SLIT3: variants seen among roughly 807,000 people sequenced by gnomAD.
SLIT3 encodes slit guidance ligand 3, also known as slit homolog 3 protein.
Under a neutral mutation model 184.0 loss-of-function variants are expected in SLIT3, and 68 were observed. The ratio of observed to expected loss-of-function variants is 0.37; its 90% CI spans 0.30 to 0.45. The LOEUF is 0.45. Among genes scored for constraint, SLIT3 ranks in the 20% least tolerant of loss-of-function variants. SLIT3 has a pLI of 1.00. For synonymous variants in SLIT3, 831 were observed against 828.6 expected, an observed-to-expected ratio of 1.00 and a Z score of -0.05; for missense variants, 1,707 against 2,026.0, an observed-to-expected ratio of 0.84 and a Z score of 3.02.
At chr5:168,938,155 T>C (rs1762219549) in intron 4 of SLIT3, among the ~76,000 whole-genome samples, 1 of 152,264 alleles carries the variant, frequency 6.6e-6, no homozygotes, top group Non-Finnish European at 1.5e-5. Flanking sequence ...GAACTTCTTC[T>C]GATACATACA....
intron 4 of SLIT3, among the ~76,000 whole-genome samples, chr5:168,971,283 C>T (rs879542675): frequency 2.0e-4 from 31 of 152,312 alleles, no homozygotes; most frequent in Admixed American, 8.5e-4. Context: ...ACTGTGGACA[C>T]GTGGTTTTCA....
chr5:168,918,366 T>C (rs1440621902), intron 4 of SLIT3, among the ~76,000 whole-genome samples: 1 of 152,202 alleles, frequency 6.6e-6, no homozygotes, highest in Non-Finnish European at 1.5e-5. Flanking sequence ...CTGCCTGATG[T>C]TCTGACTTGC....
intron 34 of SLIT3, among the ~76,000 whole-genome samples, chr5:168,670,879 C>G (rs1216554028): frequency 6.6e-6 from 1 of 152,172 alleles, no homozygotes; most frequent in Non-Finnish European, 1.5e-5. Flanking sequence ...CAGGCTGAGT[C>G]TGCCCATGTG....
At chr5:168,974,191 G>A (rs941612426) in intron 4 of SLIT3, among the ~76,000 whole-genome samples, 4 of 152,140 alleles carry the variant, frequency 2.6e-5, no homozygotes, top group Non-Finnish European at 5.9e-5. Flanking sequence ...ACTTTGCAGC[G>A]TTGTTGGACC....
intron 4 of SLIT3, among the ~76,000 whole-genome samples, chr5:169,084,454 A>ATTT (rs56062027): frequency 1.2e-4 from 12 of 101,406 alleles, no homozygotes; most frequent in East Asian, 5.3e-4. Flanking sequence ...CCATGCCCAG[A>ATTT]TTTTTTTTTT....
At chr5:168,907,284 G>C (rs1231778473) in intron 4 of SLIT3, among the ~76,000 whole-genome samples, 1 of 152,168 alleles carries the variant, frequency 6.6e-6, no homozygotes, top group Non-Finnish European at 1.5e-5. Context: ...CAGCTTGGAG[G>C]GGTAGTCTCA....
chr5:168,678,686 A>AAAAC (rs914331874), intron 32 of SLIT3, among the ~76,000 whole-genome samples: 2 of 152,138 alleles, frequency 1.3e-5, no homozygotes, highest in Non-Finnish European at 2.9e-5. Context: ...CTGTCTCAAA[A>AAAAC]AAACAAACAA....
chr5:168,936,322 C>T (rs1033925183), intron 4 of SLIT3, among the ~76,000 whole-genome samples: 5 of 152,150 alleles, frequency 3.3e-5, no homozygotes, highest in African/African-American at 1.2e-4. Context: ...GCAACCTTTG[C>T]CTCCTGGGTT....
At chr5:169,170,454 C>T (rs1581013236) in intron 4 of SLIT3, among the ~76,000 whole-genome samples, 1 of 152,272 alleles carries the variant, frequency 6.6e-6, no homozygotes, top group Non-Finnish European at 1.5e-5. Flanking sequence ...TGGTCCTGGG[C>T]TTGCAGGCTT....
At chr5:169,167,885 C>T (rs898930940) in intron 4 of SLIT3, among the ~76,000 whole-genome samples, 1 of 152,214 alleles carries the variant, frequency 6.6e-6, no homozygotes, top group African/African-American at 2.4e-5. Context: ...GGCCATATGC[C>T]AGCAATCAAG....
chr5:169,074,667 AT>A (rs1275632855), intron 4 of SLIT3, among the ~76,000 whole-genome samples: 1 of 152,204 alleles, frequency 6.6e-6, no homozygotes, highest in East Asian at 1.9e-4. Context: ...GGATTTCAAA[AT>A]TAAAGTCAGC....
chr5:168,783,673 A>G (rs765382652), intron 12 of SLIT3, among the ~76,000 whole-genome samples: 10 of 152,218 alleles, frequency 6.6e-5, no homozygotes, highest in African/African-American at 2.2e-4. Context: ...GAGCCTTCTT[A>G]TCAGTGTCTC....
chr5:168,810,606 G>T (rs77795912), intron 8 of SLIT3, among the ~76,000 whole-genome samples: 11 of 150,156 alleles, frequency 7.3e-5, no homozygotes, highest in South Asian at 4.1e-4. Context: ...TCTCCCCTCT[G>T]GGGGGGACTT....
At chr5:169,155,532 G>A (rs1282137018) in intron 4 of SLIT3, among the ~76,000 whole-genome samples, 1 of 152,160 alleles carries the variant, frequency 6.6e-6, no homozygotes, top group Admixed American at 6.5e-5. Context: ...CAATTCTAAC[G>A]TAGATACAAG....
Position 168,971,599 on chromosome 5 carries a change from A to C in SLIT3, c.414-88263T>G, listed in dbSNP as rs939840856. ...TTAGCATACATATTTCCTGAGTCCC[A>C]GGATATCTGTCTTCAATCATTGAGA... is the stretch of plus-strand genomic sequence containing the variant. On this transcript the variant is annotated intron_variant, in intron 4 of 35. Coordinates refer to ENST00000519560, the MANE Select transcript of SLIT3 (RefSeq NM_003062.4). 2.0e-5 allele frequency among the ~76,000 whole-genome samples: 3 copies of C among 152,234 alleles called. No individual in the cohort carries two copies. In the South Asian group the frequency reaches 6.2e-4, roughly 31 times the overall value.
intron 11 of SLIT3, among the ~76,000 whole-genome samples, chr5:168,787,694 G>A (rs547799878): frequency 6.6e-6 from 1 of 152,214 alleles, no homozygotes; most frequent in South Asian, 2.1e-4. Flanking sequence ...CCCCATGAGT[G>A]TAGTAACGTT....
chr5:168,743,978 G>A (rs1763717716), intron 20 of SLIT3, among the ~76,000 whole-genome samples: 1 of 152,192 alleles, frequency 6.6e-6, no homozygotes, highest in African/African-American at 2.4e-5. Flanking sequence ...GCTAGCAATA[G>A]TTGGTTCATG....
In SLIT3 at chr5:169,095,766, T is replaced by C. The variant is rs190470951; in HGVS notation, c.413+97713A>G. 8.5e-4 allele frequency among the ~76,000 whole-genome samples: 130 copies of C among 152,342 alleles called. 2 individuals are homozygous for C. The highest frequency in any genetic ancestry group is 3.4e-3 in the Middle Eastern group (1 of 294). ...GCCTCACTGCCTTTCCAGCCCACCA[T>C]TGATTGGCACTTGTGGTTCCTTGAC... On this transcript the variant is annotated intron_variant, in intron 4 of 35. Coordinates refer to ENST00000519560, the MANE Select transcript of SLIT3 (RefSeq NM_003062.4).
At chr5:168,972,049 T>C (rs1238923784) in intron 4 of SLIT3, among the ~76,000 whole-genome samples, 3 of 152,206 alleles carry the variant, frequency 2.0e-5, no homozygotes, top group African/African-American at 7.2e-5. Flanking sequence ...GGAGGCCATA[T>C]TACACAGGGC....
Sources: gnomAD v4.1 joint callset for allele counts (sites outside exome capture counted in the v4.1 genomes callset) on GRCh38, gnomAD v4.1.1 for gene constraint, MANE v1.5 for transcripts, NCBI Gene and HGNC (gene_info 2026-07-23, HGNC 2026-07-21) for gene names.